The following FASTKD1 variants were observed in gnomAD, a reference collection of about 807,000 sequenced individuals.
FASTKD1 encodes FAST kinase domain-containing protein 1, mitochondrial.
FASTKD1 carries 94 observed loss-of-function variants against 90.9 expected under a neutral mutation model. The observed-to-expected ratio is 1.03, with a 90% CI of 0.88 to 1.23. FASTKD1 has a LOEUF of 1.23. FASTKD1 is among the 50% of genes most tolerant of loss of function. The probability of loss-of-function intolerance (pLI) is 0.00; values close to 1 mark genes in which losing one functional copy is unlikely to be tolerated. For missense variants in FASTKD1, 945 were observed against 993.5 expected (o/e 0.95, Z 0.66); for synonymous variants, 319 against 345.8 (o/e 0.92, Z 0.86).
In FASTKD1 at chr2:169,572,120, A is replaced by G; in HGVS notation, c.-91T>C. 6.8e-7 allele frequency: 1 copy of G among 1,460,068 alleles called. No individual in the cohort carries two copies. Among genetic ancestry groups the G allele is most frequent in the African/African-American group, 1.4e-5 (1 of 70,906 alleles). The allele number at this position is 1,460,068 out of a possible 1,614,324, so 90.4% of individuals were successfully genotyped here. On this transcript the variant is annotated 5_prime_UTR_variant, in exon 2 of 15. The change abolishes an upstream ATG in the 5' untranslated region. Transcript: ENST00000453153. ...GGATACAAATAACAGTTTTTCCTTC[A>G]TGTATTTTGCTTCCATTACAATGAC...
intron 7 of FASTKD1, among the ~76,000 whole-genome samples, chr2:169,553,355 A>G (rs1253233016): frequency 4.6e-5 from 7 of 151,616 alleles, no homozygotes; most frequent in Non-Finnish European, 7.4e-5. Flanking sequence ...CATAAAATTC[A>G]TAATTGAGAG....
intron 10 of FASTKD1, among the ~76,000 whole-genome samples, chr2:169,539,808 G>A (rs1684891342): frequency 6.6e-6 from 1 of 152,202 alleles, no homozygotes; most frequent in East Asian, 1.9e-4. Context: ...TCACATAGGA[G>A]AAGGAGAAAG....
intron 2 of FASTKD1, among the ~76,000 whole-genome samples, chr2:169,569,603 C>A (rs1047314577): frequency 2.0e-5 from 3 of 152,186 alleles, no homozygotes; most frequent in Non-Finnish European, 4.4e-5. Context: ...GTAATCCCAG[C>A]ACTTTAGCAG....
intron 7 of FASTKD1, among the ~76,000 whole-genome samples, chr2:169,549,931 G>C (rs976969948): frequency 1.3e-5 from 2 of 152,128 alleles, no homozygotes; most frequent in African/African-American, 4.8e-5. Context: ...AACTTTAAAA[G>C]TATTTTAATT....
chr2:169,565,382 C>T (rs1189742135), intron 3 of FASTKD1, among the ~76,000 whole-genome samples: 1 of 150,308 alleles, frequency 6.7e-6, no homozygotes, highest in East Asian at 2.0e-4. Flanking sequence ...CCTGCTTCAG[C>T]CTCAGGAGTA....
intron 12 of FASTKD1, among the ~76,000 whole-genome samples, chr2:169,534,769 T>A (rs1373666168): frequency 6.6e-6 from 1 of 152,114 alleles, no homozygotes. Flanking sequence ...AAATTTCTGT[T>A]GTTTATAAAT....
At chr2:169,535,434 CCTG>C (rs1429297938) in intron 12 of FASTKD1, among the ~76,000 whole-genome samples, 2 of 147,042 alleles carry the variant, frequency 1.4e-5, no homozygotes, top group African/African-American at 5.0e-5. Flanking sequence ...TACCACCATG[CCTG>C]CTATTTATTT....
At chr2:169,539,279 AAAAG>A (rs1351757419) in intron 10 of FASTKD1, among the ~76,000 whole-genome samples, 3 of 150,586 alleles carry the variant, frequency 2.0e-5, no homozygotes, top group Admixed American at 6.6e-5. Context: ...CTCAAAAAAA[AAAAG>A]AAAAAGAAAA....
At chr2:169,566,549 T>G (rs1559160718) in intron 3 of FASTKD1, among the ~76,000 whole-genome samples, 2 of 151,986 alleles carry the variant, frequency 1.3e-5, no homozygotes, top group Non-Finnish European at 2.9e-5. Context: ...CCATCTCTAC[T>G]AAAAATATAA....
intron 6 of FASTKD1, among the ~76,000 whole-genome samples, chr2:169,556,754 G>C (rs549471044): frequency 6.6e-6 from 1 of 152,200 alleles, no homozygotes; most frequent in South Asian, 2.1e-4. Flanking sequence ...GAACCCGTCT[G>C]GGGCAGAGGT....
chr2:169,563,927 G>A (rs191592092), intron 3 of FASTKD1, among the ~76,000 whole-genome samples: 2 of 152,178 alleles, frequency 1.3e-5, no homozygotes, highest in Admixed American at 6.5e-5. Flanking sequence ...AACATACTGA[G>A]CAAACTAAAC....
chr2:169,569,292 TA>T, intron 2 of FASTKD1, 40 bp from the exon 3 acceptor site: 1 of 1,565,226 alleles, frequency 6.4e-7, no homozygotes, highest in Non-Finnish European at 8.8e-7. Flanking sequence ...ATAATCATTT[TA>T]AAATCATTAA....
chr2:169,539,324 TAGGGACTGGGTAC>T (rs1207875917), intron 10 of FASTKD1, among the ~76,000 whole-genome samples: 21 of 151,552 alleles, frequency 1.4e-4, no homozygotes, highest in Admixed American at 1.4e-3. Flanking sequence ...ATAAGTCTTA[TAGGGACTGGGTAC>T]AGTGGCTCAT....
chr2:169,538,820 AATTTT>A (rs1159980613), intron 10 of FASTKD1, among the ~76,000 whole-genome samples: 1 of 152,126 alleles, frequency 6.6e-6, no homozygotes, highest in Non-Finnish European at 1.5e-5. Flanking sequence ...ATCTGTGACA[AATTTT>A]ATTATATCCA....
intron 2 of FASTKD1, 22 bp from the exon 3 acceptor site, chr2:169,569,274 C>T (rs1178249240): frequency 6.2e-7 from 1 of 1,603,828 alleles, no homozygotes; most frequent in Non-Finnish European, 8.5e-7. Context: ...AGAAAGAATC[C>T]TCCATACATA....
At chr2:169,534,249 G>A (rs1273609573) in intron 12 of FASTKD1, among the ~76,000 whole-genome samples, 1 of 147,770 alleles carries the variant, frequency 6.8e-6, no homozygotes, top group African/African-American at 2.5e-5. Context: ...AAGTCATGAG[G>A]GCAGAGCCCT....
At chr2:169,562,531 C>A (rs1683751066) in intron 4 of FASTKD1, among the ~76,000 whole-genome samples, 1 of 151,994 alleles carries the variant, frequency 6.6e-6, no homozygotes, top group Non-Finnish European at 1.5e-5. Flanking sequence ...CCATGCCTGG[C>A]CAATGAATTC....
Position 169,572,155 on chromosome 2 carries a change from A to C in FASTKD1, c.-126T>G. ...CTTCCATTACAATGACTGTAAACGC[A>C]TTCCAATGTACAGCTTCTATAAAAG... On this transcript the variant is annotated 5_prime_UTR_variant, in exon 2 of 15. It removes an upstream start codon present in the reference 5' UTR. Coordinates refer to ENST00000453153, the MANE Select transcript of FASTKD1 (RefSeq NM_024622.6). 9.2e-7 allele frequency: 1 copy of C among 1,091,880 alleles called. No individual in the cohort carries two copies. The highest frequency in any genetic ancestry group is 1.3e-6 in the Non-Finnish European group (1 of 788,814). The allele number at this position is 1,091,880 out of a possible 1,614,324, so 67.6% of individuals were successfully genotyped here. A position where few individuals can be genotyped will look rare whatever the true frequency, so the allele number is the denominator to read the frequency against.
rs761289734 is a variant in FASTKD1 at position 169,546,671 on chromosome 2, C to A, written c.1248G>T (p.Val416=). The A allele has an allele frequency of 6.2e-7, 1 of 1,611,906 alleles. No homozygotes were observed. The highest frequency in any genetic ancestry group is 8.5e-7 in the Non-Finnish European group (1 of 1,179,152). ...YLKNSFIPTE[V]SVLVRAISLL... is the part of the protein sequence containing the mutation. ...GGGAAATAGCACGGACCAGAACAGA[C>A]ACCTCAGTTGGTATGAAACTATTTT... The change falls in exon 8 of 15, where the codon GTG becomes GTT. Residue 416 remains valine (V), a synonymous_variant. Coordinates refer to ENST00000453153, the MANE Select transcript of FASTKD1 (RefSeq NM_024622.6).
Sources: gnomAD v4.1 joint callset for allele counts (sites outside exome capture counted in the v4.1 genomes callset) on GRCh38, gnomAD v4.1.1 for gene constraint, MANE v1.5 for transcripts, NCBI Gene and HGNC (gene_info 2026-07-23, HGNC 2026-07-21) for gene names.